Variants in GGN observed in about 807,000 individuals in gnomAD.
GGN encodes the protein gametogenetin.
GGN carries 27 observed loss-of-function variants against 35.5 expected under a neutral mutation model. That is an observed-to-expected ratio of 0.76 (90% CI 0.56 to 1.05). The LOEUF (loss-of-function observed/expected upper bound fraction) is 1.05. Among genes scored for constraint, GGN ranks in the 50% least tolerant of loss-of-function variants. The pLI is 0.00. For synonymous variants in GGN, 425 were observed against 444.1 expected (o/e 0.96, Z 0.54); for missense variants, 1,006 against 940.7 (o/e 1.07, Z -0.91).
In GGN at chr19:38,387,060, C is replaced by T. The variant is rs1568392656; in HGVS notation, c.202G>A (p.Ala68Thr). 2 of 1,556,236 alleles carry T rather than the reference C, an allele frequency of 1.3e-6. No homozygotes were observed. The highest frequency in any genetic ancestry group is 8.7e-7 in the Non-Finnish European group (1 of 1,149,846). The change falls in exon 3 of 4, where the codon GCC becomes ACC. Residue 68 changes from alanine (A) to threonine (T), a missense_variant. Coordinates refer to ENST00000334928, the MANE Select transcript of GGN (RefSeq NM_152657.4). This position sits in a 1 kb window ranked among gnomAD's most constrained non-coding sequence, Gnocchi z 5.3. ...PGLMVPREPQ[A>T]SPSTLPLTLE... ...GTGAGGGGCAGGGTCGAGGGTGAGG[C>T]CTGGGGCTCCCGGGGTACCATGAGT...
Position 38,386,269 on chromosome 19 carries a change from G to GT in GGN, c.992_993insA (p.Gln332ProfsTer24). The stretch of plus-strand genomic sequence containing the variant: ...GTGGCGGCGGTAGGGCCCGGGCTTG[G>GT]GACGCAGGCGCCGAGGGAGGACCAG... On this transcript the variant is annotated frameshift_variant, in exon 3 of 4. Coordinates refer to ENST00000334928, the MANE Select transcript of GGN (RefSeq NM_152657.4). LOFTEE classifies it high-confidence loss of function. The GT allele has an allele frequency of 1.2e-6, 2 of 1,610,376 alleles. No individual in the cohort carries two copies. Among genetic ancestry groups the GT allele is most frequent in the Non-Finnish European group, 1.7e-6 (2 of 1,178,358 alleles).
chr19:38,387,299 T>C lies in GGN; in HGVS notation c.-19-19A>G, dbSNP rs1377402312. 1.3e-6 allele frequency: 2 copies of C among 1,536,256 alleles called. No individual in the cohort carries two copies. Among genetic ancestry groups the C allele is most frequent in the Admixed American group, 2.0e-5 (1 of 51,052 alleles). ...TCGGAGACTAGTCAGAAAAATTTAC[T>C]CCAGTCAGCCTGCCAGGGCCGTGGG... On this transcript the variant is annotated intron_variant, in intron 2 of 3. Transcript: ENST00000334928. This position sits in a 1 kb window ranked among gnomAD's most constrained non-coding sequence, Gnocchi z 5.3.
Position 38,385,544 on chromosome 19 carries a change from C to T in GGN, c.1718G>A (p.Gly573Glu), listed in dbSNP as rs141214200. 7.4e-5 allele frequency: 120 copies of T among 1,613,970 alleles called. No individual in the cohort carries two copies. Among genetic ancestry groups the T allele is most frequent in the Non-Finnish European group, 9.8e-5 (116 of 1,180,026 alleles). Residue 573 changes from glycine (G) to glutamate (E), a missense_variant, in exon 3 of 4, where the codon GGG (glycine) becomes GAG (glutamate). Coordinates refer to ENST00000334928, the MANE Select transcript of GGN (RefSeq NM_152657.4). Reference protein sequence around the residue: ...GGGGSGASQTGAANTRAARHW... With the variant: ...GGGGSGASQTEAANTRAARHW... ...GCGCGCAGCGCGGGTGTTAGCTGCC[C>T]CAGTCTGAGAGGCCCCGCTGCCACC...
Position 38,385,843 on chromosome 19 carries a change from C to A in GGN, c.1419G>T (p.Glu473Asp), listed in dbSNP as rs1408432593. The A allele has an allele frequency of 1.9e-6, 3 of 1,541,794 alleles. No homozygotes were observed. The highest frequency in any genetic ancestry group is 2.6e-6 in the Non-Finnish European group (3 of 1,147,830). ...PPLTPGLGHK[E>D]SALAPTAAPA... is the part of the protein sequence containing the mutation. ...GGGCTGCGGTGGGAGCCAGGGCTGA[C>A]TCCTTGTGGCCCAGACCCGGGGTGA... The change falls in exon 3 of 4, where the codon GAG (glutamate) becomes GAT (aspartate). Residue 473 changes from glutamate (E) to aspartate (D), a missense_variant. By Grantham distance (45) the Glu-to-Asp change is conservative. Coordinates refer to ENST00000334928, the MANE Select transcript of GGN (RefSeq NM_152657.4).
At chr19:38,385,084 T>C (rs1427355389) in intron 3 of GGN, among the ~76,000 whole-genome samples, 1 of 152,158 alleles carries the variant, frequency 6.6e-6, no homozygotes, top group Admixed American at 6.5e-5. Flanking sequence ...TGGTCCTCCT[T>C]GATACCCTCA....
In GGN at chr19:38,385,692, G is replaced by T. The variant is rs140621639; in HGVS notation, c.1570C>A (p.Arg524Ser). The stretch of plus-strand genomic sequence containing the variant: ...CGGGAACCCTTGTTCCTGCGCGTGC[G>T]GGTCTTGATGGGCGCAGCCGCGGGT... ...PAPAAAPIKT[R>S]TRRNKGSRAA... The change falls in exon 3 of 4, where the codon CGC becomes AGC. Residue 524 changes from arginine to serine, a missense_variant. Coordinates refer to ENST00000334928, the MANE Select transcript of GGN (RefSeq NM_152657.4). 1 of 1,613,092 alleles carries T rather than the reference G, an allele frequency of 6.2e-7. No homozygotes were observed. Among genetic ancestry groups the T allele is most frequent in the Non-Finnish European group, 8.5e-7 (1 of 1,179,790 alleles).
In GGN at chr19:38,386,502, C is replaced by G. The variant is rs1258653832; in HGVS notation, c.760G>C (p.Ala254Pro). 1 of 1,612,936 alleles carries G rather than the reference C, an allele frequency of 6.2e-7. No homozygotes were observed. Residue 254 changes from alanine to proline, a missense_variant, in exon 3 of 4, where the codon GCC becomes CCC. By Grantham distance (27) the Ala-to-Pro change is conservative. Transcript: ENST00000334928. ...KITFKSRPSLAPPAASSSLAA... is the reference protein window; with the variant it reads ...KITFKSRPSLPPPAASSSLAA... ...AAGGAACTCGAGGCTGCCGGAGGGGCCAAAGAGGGCCTCGACTTGAAGGTG... is the reference window on the plus strand; with the variant it reads ...AAGGAACTCGAGGCTGCCGGAGGGGGCAAAGAGGGCCTCGACTTGAAGGTG...
In GGN at chr19:38,385,413, CCT is replaced by C; in HGVS notation, c.1841+6_1841+7del. ...TTCGGCACCCTCCTGTCCCTTCTCC[CCT>C]CTCACCAGGCAGAGACGTTGCGTGG... On this transcript the variant is annotated splice_donor_region_variant and intron_variant, in intron 3 of 3. Coordinates refer to ENST00000334928, the MANE Select transcript of GGN (RefSeq NM_152657.4). 1.2e-6 allele frequency: 2 copies of C among 1,613,620 alleles called. No homozygotes were observed. The highest frequency in any genetic ancestry group is 1.7e-6 in the Non-Finnish European group (2 of 1,180,036).
rs773948583 is a variant in GGN at position 38,386,518 on chromosome 19, C to G, written c.744G>C (p.Lys248Asn). The G allele has an allele frequency of 6.8e-6, 11 of 1,612,944 alleles. No homozygotes were observed. The highest frequency in any genetic ancestry group is 9.3e-6 in the Non-Finnish European group (11 of 1,179,986). Reference protein sequence around the residue: ...GLSLLCKITFKSRPSLAPPAA... With the variant: ...GLSLLCKITFNSRPSLAPPAA... ...CCGGAGGGGCCAAAGAGGGCCTCGA[C>G]TTGAAGGTGATTTTACACAGCAGGC... Residue 248 changes from lysine (K) to asparagine (N), a missense_variant, in exon 3 of 4, where the codon AAG (lysine) becomes AAC (asparagine). Transcript: ENST00000334928.
At position 38,386,430 on chromosome 19, in the gene GGN, CA is replaced by C. The variant is rs1240416361; in HGVS notation, c.831del (p.Phe277LeufsTer13). The C allele has an allele frequency of 6.2e-7, 1 of 1,612,676 alleles. No individual in the cohort carries two copies. Among genetic ancestry groups the C allele is most frequent in the Admixed American group, 1.7e-5 (1 of 60,016 alleles). ...GCGTAAGAGATGGCACCTGAGGCAG[CA>C]AAGAGGCCGCCGCCTCCGCCGCCCC... Reference protein sequence around the residue: ...SLGGGGGGGLFAASGAISYAE... With the variant: ...SLGGGGGGGLXAASGAISYAE... On this transcript the variant is annotated frameshift_variant, in exon 3 of 4. Transcript: ENST00000334928. LOFTEE classifies it high-confidence loss of function.
chr19:38,386,879 G>T lies in GGN; in HGVS notation c.383C>A (p.Ala128Glu). Residue 128 changes from alanine (A) to glutamate (E), a missense_variant, in exon 3 of 4, where the codon GCG becomes GAG. By Grantham distance (107) the Ala-to-Glu change is moderately radical (BLOSUM62 -1). Coordinates refer to ENST00000334928, the MANE Select transcript of GGN (RefSeq NM_152657.4). Reference protein sequence around the residue: ...PVPRIRRLLEASHRGQGDPPS... With the variant: ...PVPRIRRLLEESHRGQGDPPS... ...AGGGTCGCCCTGGCCGCGATGGCTC[G>T]CCTCCAGCAGGCGGCGGATCCGGGG... 1 of 1,579,692 alleles carries T rather than the reference G, an allele frequency of 6.3e-7. No individual in the cohort carries two copies. The highest frequency in any genetic ancestry group is 1.1e-5 in the South Asian group (1 of 87,610).
chr19:38,384,770 GTCAGTA>G (rs1970681347), intron 3 of GGN, among the ~76,000 whole-genome samples: 1 of 152,196 alleles, frequency 6.6e-6, no homozygotes, highest in Non-Finnish European at 1.5e-5. Flanking sequence ...ACTCCCAGGA[GTCAGTA>G]TCAGACCCCA....
chr19:38,387,680 T>G lies in GGN; in HGVS notation c.-20+81A>C. ...AAACCTCTTCCCGCTCCAGGTCTAC[T>G]AGCTGGCATCCACAGTCAAGCTCCA... On this transcript the variant is annotated intron_variant, in intron 2 of 3. Transcript: ENST00000334928. The surrounding 1 kb of genome is among the most constrained non-coding windows in gnomAD (Gnocchi z 5.3). 1.2e-5 allele frequency: 2 copies of G among 172,998 alleles called. No individual in the cohort carries two copies. Among genetic ancestry groups the G allele is most frequent in the Non-Finnish European group, 2.5e-5 (2 of 80,290 alleles). The allele number at this position is 172,998 out of a possible 1,614,324, so 10.7% of individuals were successfully genotyped here.
rs1476827826 is a variant in GGN at position 38,387,038 on chromosome 19, AG to A, written c.223del (p.Leu75SerfsTer3). The A allele has an allele frequency of 1.9e-6, 3 of 1,552,732 alleles. No homozygotes were observed. Among genetic ancestry groups the A allele is most frequent in the African/African-American group, 2.7e-5 (2 of 73,096 alleles). On this transcript the variant is annotated frameshift_variant, in exon 3 of 4. Transcript: ENST00000334928. LOFTEE classifies it high-confidence loss of function. The surrounding 1 kb of genome is among the most constrained non-coding windows in gnomAD (Gnocchi z 5.3). The stretch of plus-strand genomic sequence containing the variant: ...CACTGGAGAGGGCCGTTCTAAGGTG[AG>A]GGGCAGGGTCGAGGGTGAGGCCTGG... ...EPQASPSTLPLTLERPSPVMP... is the reference protein window; with the variant it reads ...EPQASPSTLPXTLERPSPVMP...
Position 38,385,617 on chromosome 19 carries a change from G to A in GGN, c.1645C>T (p.Arg549Cys). 1.9e-6 allele frequency: 3 copies of A among 1,614,144 alleles called. No individual in the cohort carries two copies. Among genetic ancestry groups the A allele is most frequent in the East Asian group, 2.2e-5 (1 of 44,888 alleles). ...GGCACGGTAGCTGTAGCTCGTTCGC[G>A]AGGACCATCTCCATGCAAGCCATCC... ...RKDGLHGDGP[R>C]ERATATVPDS... is the part of the protein sequence containing the mutation. Residue 549 changes from arginine (R) to cysteine (C), a missense_variant, in exon 3 of 4, where the codon CGC (arginine) becomes TGC (cysteine). Transcript: ENST00000334928.
rs756488758 is a variant in GGN at position 38,386,446 on chromosome 19, T to TCCGCCGCCC, written c.807_815dup (p.Gly273_Gly275dup). ...CTGAGGCAGCAAAGAGGCCGCCGCC[T>TCCGCCGCCC]CCGCCGCCCCCCAGCGAAGCTTTGG... On this transcript the variant is annotated inframe_insertion, in exon 3 of 4. Transcript: ENST00000334928. 1 of 1,612,806 alleles carries TCCGCCGCCC rather than the reference T, an allele frequency of 6.2e-7. No individual in the cohort carries two copies. Among genetic ancestry groups the TCCGCCGCCC allele is most frequent in the South Asian group, 1.1e-5 (1 of 91,088 alleles).
At chr19:38,388,262 G>T (rs1970767658), upstream of GGN, among the ~76,000 whole-genome samples, 2 of 151,778 alleles carry the variant, frequency 1.3e-5, no homozygotes, top group African/African-American at 4.8e-5. Flanking sequence ...CGCCGAGAAG[G>T]CCCATCCACC....
rs1970675993 is a variant in GGN at position 38,384,447 on chromosome 19, C to G, written c.1924G>C (p.Glu642Gln). ...TGGGTGGCCTGCAAGTCGTAGTGCTCCAGCTTGGCCACCAGAGAGCCGGAC... is the reference window on the plus strand; with the variant it reads ...TGGGTGGCCTGCAAGTCGTAGTGCTGCAGCTTGGCCACCAGAGAGCCGGAC... ...KLSGSLVAKL[E>Q]HYDLQATHSN is the part of the protein sequence containing the mutation. Residue 642 changes from glutamate (E) to glutamine (Q), a missense_variant, in exon 4 of 4, where the codon GAG becomes CAG. By Grantham distance (29) the Glu-to-Gln change is conservative. Coordinates refer to ENST00000334928, the MANE Select transcript of GGN (RefSeq NM_152657.4). The G allele has an allele frequency of 6.8e-6, 11 of 1,614,024 alleles. No individual in the cohort carries two copies. Among genetic ancestry groups the G allele is most frequent in the Admixed American group, 1.7e-5 (1 of 60,016 alleles).
Position 38,385,614 on chromosome 19 carries a change from C to G in GGN, c.1648G>C (p.Glu550Gln). 6.2e-7 allele frequency: 1 copy of G among 1,614,132 alleles called. No homozygotes were observed. Among genetic ancestry groups the G allele is most frequent in the South Asian group, 1.1e-5 (1 of 91,086 alleles). Residue 550 changes from glutamate to glutamine, a missense_variant, in exon 3 of 4, where the codon GAA becomes CAA. Physicochemically the swap from Glu to Gln is conservative, Grantham distance 29. Transcript: ENST00000334928. ...KDGLHGDGPRERATATVPDSS... is the reference protein window; with the variant it reads ...KDGLHGDGPRQRATATVPDSS... ...TCAGGCACGGTAGCTGTAGCTCGTT[C>G]GCGAGGACCATCTCCATGCAAGCCA... is the stretch of plus-strand genomic sequence containing the variant.
Sources: gnomAD v4.1 joint callset for allele counts (sites outside exome capture counted in the v4.1 genomes callset) on GRCh38, gnomAD v4.1.1 for gene constraint, Gnocchi (gnomAD v3.1) non-coding constraint, MANE v1.5 for transcripts, NCBI Gene and HGNC (gene_info 2026-07-23, HGNC 2026-07-21) for gene names.